Variants in GLDC observed in about 807,000 individuals in gnomAD.
GLDC encodes glycine decarboxylase.
In GLDC, 104 loss-of-function variants were observed where a neutral mutation model predicts 121.3. The ratio of observed to expected loss-of-function variants is 0.86; its 90% CI spans 0.73 to 1.01. The LOEUF (loss-of-function observed/expected upper bound fraction) is 1.01. Ranked by LOEUF, GLDC falls within the 50% of genes least tolerant of loss-of-function variation. GLDC has a pLI of 0.00. For synonymous variants in GLDC, 546 were observed against 480.6 expected, an observed-to-expected ratio of 1.14 and a Z score of -1.78; for missense variants, 1,429 against 1,306.6, an observed-to-expected ratio of 1.09 and a Z score of -1.44.
intron 2 of GLDC, among the ~76,000 whole-genome samples, chr9:6,642,049 A>C (rs944138016): frequency 2.0e-5 from 3 of 152,196 alleles, no homozygotes; most frequent in African/African-American, 4.8e-5. Context: ...GTCAAAATTC[A>C]TCCTTTGCAG....
intron 10 of GLDC, 56 bp from the exon 11 acceptor site, chr9:6,592,279 G>A: frequency 9.3e-7 from 1 of 1,077,964 alleles, no homozygotes; most frequent in Non-Finnish European, 1.4e-6. Flanking sequence ...CATCACTGGA[G>A]GAATCCCAAG....
chr9:6,599,720 C>A (rs75303945), intron 8 of GLDC, among the ~76,000 whole-genome samples: 122 of 120,646 alleles, frequency 1.0e-3, no homozygotes, highest in South Asian at 1.4e-3. Flanking sequence ...GACTCCATCT[C>A]AAAAAAAAAA....
chr9:6,565,080 C>T (rs1161508716), intron 16 of GLDC, among the ~76,000 whole-genome samples: 4 of 152,204 alleles, frequency 2.6e-5, no homozygotes, highest in Admixed American at 6.5e-5. Context: ...CCTCCCTCTG[C>T]TCCCTAGAGA....
intron 19 of GLDC, 55 bp from the exon 20 acceptor site, chr9:6,553,564 A>T: frequency 1.3e-6 from 2 of 1,566,466 alleles, no homozygotes; most frequent in Non-Finnish European, 1.8e-6. Flanking sequence ...GTTTAATCTA[A>T]TGGGAAGGTT....
intron 18 of GLDC, among the ~76,000 whole-genome samples, chr9:6,555,829 C>T (rs1444485591): frequency 1.3e-5 from 2 of 151,980 alleles, no homozygotes; most frequent in African/African-American, 4.8e-5. Context: ...AAAAAGCAAA[C>T]ACCAATAAGA....
At chr9:6,592,513 C>A (rs149460612) in intron 10 of GLDC, among the ~76,000 whole-genome samples, 1 of 152,182 alleles carries the variant, frequency 6.6e-6, no homozygotes, top group Non-Finnish European at 1.5e-5. Flanking sequence ...ACCCACTTAT[C>A]AGATATTGAG....
intron 15 of GLDC, among the ~76,000 whole-genome samples, chr9:6,572,835 T>C (rs1434032854): frequency 6.6e-6 from 1 of 152,250 alleles, no homozygotes; most frequent in Non-Finnish European, 1.5e-5. Context: ...GCAAGCCATT[T>C]TCTGTTGTTT....
chr9:6,566,218 G>A (rs1363177998), intron 15 of GLDC, among the ~76,000 whole-genome samples: 1 of 152,196 alleles, frequency 6.6e-6, no homozygotes, highest in Non-Finnish European at 1.5e-5. Flanking sequence ...ACTCCAACCT[G>A]GGTGACAGAG....
At chr9:6,574,392 G>A (rs1398065378) in intron 15 of GLDC, among the ~76,000 whole-genome samples, 2 of 151,780 alleles carry the variant, frequency 1.3e-5, no homozygotes, top group Non-Finnish European at 2.9e-5. Context: ...GCTTGAACCT[G>A]GGAGGTGGAG....
At chr9:6,601,993 C>T in intron 8 of GLDC, 116 bp downstream of exon 8, 1 of 727,640 alleles carries the variant, frequency 1.4e-6, no homozygotes. Flanking sequence ...CTTGCCATTT[C>T]TGGTGTGCTC....
chr9:6,567,100 T>G (rs1817869363), intron 15 of GLDC: 1 of 151,926 alleles, frequency 6.6e-6, no homozygotes, highest in Non-Finnish European at 1.5e-5. Flanking sequence ...TCTTGTCTGA[T>G]TGATAGAACT....
At chr9:6,536,864 G>A (rs1302594095) in intron 22 of GLDC, among the ~76,000 whole-genome samples, 1 of 152,194 alleles carries the variant, frequency 6.6e-6, no homozygotes, top group Non-Finnish European at 1.5e-5. Flanking sequence ...AGTTTGGCCA[G>A]TATGTGGAAA....
At chr9:6,639,494 CAAT>C (rs1354147887) in intron 2 of GLDC, 1 of 872,782 alleles carries the variant, frequency 1.1e-6, no homozygotes, top group East Asian at 2.4e-5. Context: ...AGCTCTATGA[CAAT>C]GATGTGGCCA....
At chr9:6,568,420 GCTAGGTCAGTGCTTTTCTGACAT>G (rs1383344515) in intron 15 of GLDC, among the ~76,000 whole-genome samples, 3 of 152,192 alleles carry the variant, frequency 2.0e-5, no homozygotes, top group Admixed American at 2.0e-4. Flanking sequence ...TGGAGGACAG[GCTAGGTCAGTGCTTTTCTGACAT>G]CTGTTTAAAA....
rs566900180 is a variant in GLDC, at chr9:6,641,800, G to A, written c.334+2814C>T. Among the ~76,000 whole-genome samples, 652 of 152,252 alleles carry A rather than the reference G, an allele frequency of 4.3e-3. 6 individuals carry two copies. Among genetic ancestry groups the A allele is most frequent in the African/African-American group, 0.015 (629 of 41,534 alleles). Reference sequence around the variant, plus strand: ...CTGATCACAATCTTTACTCTGCAATGAAGACATTTAACACTCCTATAACTA... The same window carrying A: ...CTGATCACAATCTTTACTCTGCAATAAAGACATTTAACACTCCTATAACTA... On this transcript the variant is annotated intron_variant, in intron 2 of 24. Coordinates refer to ENST00000321612, the MANE Select transcript of GLDC (RefSeq NM_000170.3).
intron 2 of GLDC, among the ~76,000 whole-genome samples, chr9:6,638,953 G>C (rs1468694658): frequency 6.6e-6 from 1 of 151,774 alleles, no homozygotes; most frequent in Non-Finnish European, 1.5e-5. Flanking sequence ...AGGTTGTGGT[G>C]AGCCAAGACC....
intron 15 of GLDC, among the ~76,000 whole-genome samples, chr9:6,583,178 T>C (rs1818205239): frequency 6.6e-6 from 1 of 151,950 alleles, no homozygotes; most frequent in Non-Finnish European, 1.5e-5. Flanking sequence ...AAATTAAACA[T>C]AAAATTACCC....
intron 21 of GLDC, among the ~76,000 whole-genome samples, chr9:6,542,974 G>C (rs1450272163): frequency 6.6e-6 from 1 of 150,912 alleles, no homozygotes; most frequent in African/African-American, 2.4e-5. Flanking sequence ...AGAATAGTAA[G>C]TGGAATGTTC....
chr9:6,588,837 A>G lies in GLDC; in HGVS notation c.1581-135T>C, dbSNP rs1587947591. ...TTTGGCCACGGACAATATGTCAACT[A>G]CACTCAGAGAGAAGGGCACAGACCC... On this transcript the variant is annotated intron_variant, in intron 12 of 24. Transcript: ENST00000321612. 26 of 717,062 alleles carry G rather than the reference A, an allele frequency of 3.6e-5. No individual in the cohort carries two copies. In the East Asian group the frequency reaches 3.7e-4, roughly 10 times the overall value. The allele number at this position is 717,062 out of a possible 1,614,324, so 44.4% of individuals were successfully genotyped here. A position where few individuals can be genotyped will look rare whatever the true frequency, so the allele number is the denominator to read the frequency against.
Sources: allele counts gnomAD v4.1 joint callset (sites outside exome capture counted in the v4.1 genomes callset), GRCh38; gene constraint gnomAD v4.1.1; transcripts MANE v1.5; gene names NCBI Gene and HGNC (gene_info 2026-07-23, HGNC 2026-07-21).